The following NPAS3 variants were observed in gnomAD, a reference collection of about 807,000 sequenced individuals.
NPAS3 encodes neuronal PAS domain-containing protein 3.
A neutral mutation model predicts 73.1 loss-of-function variants in NPAS3; 14 were observed. The observed-to-expected ratio is 0.19, with a 90% confidence interval of 0.13 to 0.30. NPAS3 has a LOEUF of 0.30. Ranked by LOEUF, NPAS3 falls within the 10% of genes least tolerant of loss-of-function variation. The probability of loss-of-function intolerance (pLI) is 1.00; values close to 1 mark genes in which losing one functional copy is unlikely to be tolerated. For missense variants in NPAS3, 1,096 were observed against 1,250.0 expected (o/e 0.88, Z 1.86); for synonymous variants, 620 against 541.5 (o/e 1.14, Z -2.01).
chr14:33,282,661 C>T (rs2041675379), intron 3 of NPAS3, among the ~76,000 whole-genome samples: 1 of 152,144 alleles, frequency 6.6e-6, no homozygotes, highest in Admixed American at 6.6e-5. Context: ...TTTTCGGCTG[C>T]TAGAGAATGT....
At chr14:33,019,388 C>T (rs2039509014) in intron 1 of NPAS3, among the ~76,000 whole-genome samples, 1 of 152,146 alleles carries the variant, frequency 6.6e-6, no homozygotes, top group East Asian at 1.9e-4. Flanking sequence ...GTCATTAAGG[C>T]TTCATTTTTT....
chr14:33,799,898 A>G, exon 12 of NPAS3: 6 of 1,614,206 alleles, frequency 3.7e-6, no homozygotes, highest in Non-Finnish European at 5.1e-6. Flanking sequence ...CAGCGACGAC[A>G]GCTTCGAGCA....
chr14:33,574,518 A>G (rs568412431), intron 5 of NPAS3, among the ~76,000 whole-genome samples: 225 of 152,208 alleles, frequency 1.5e-3, no homozygotes, highest in African/African-American at 1.9e-3. Flanking sequence ...CCAGAGGTCC[A>G]AATGTATTCA....
chr14:33,747,835 A>G (rs1349088120), intron 7 of NPAS3, among the ~76,000 whole-genome samples: 1 of 152,198 alleles, frequency 6.6e-6, no homozygotes, highest in East Asian at 1.9e-4. Flanking sequence ...TTGTCCTGAG[A>G]TATTCCCATG....
chr14:32,993,539 AC>A, intron 1 of NPAS3, among the ~76,000 whole-genome samples: 1 of 152,320 alleles, frequency 6.6e-6, no homozygotes, highest in East Asian at 1.9e-4. Context: ...AAGATTTTAG[AC>A]CTAGAAATGA....
intron 4 of NPAS3, among the ~76,000 whole-genome samples, chr14:33,380,544 T>G (rs1310385984): frequency 2.6e-5 from 4 of 152,154 alleles, no homozygotes; most frequent in African/African-American, 9.7e-5. Flanking sequence ...GATCTGATGA[T>G]TTATGATTGC....
At chr14:33,472,955 G>A (rs748796007) in intron 4 of NPAS3, among the ~76,000 whole-genome samples, 1 of 150,882 alleles carries the variant, frequency 6.6e-6, no homozygotes, top group Non-Finnish European at 1.5e-5. Flanking sequence ...AAAAACAGCC[G>A]AAACCCAATC....
chr14:33,797,624 A>C (rs1566552740), intron 11 of NPAS3, 43 bp downstream of exon 11: 1 of 1,605,348 alleles, frequency 6.2e-7, no homozygotes, highest in South Asian at 1.1e-5. Context: ...AAGCTTGCCC[A>C]CCACGCGCAG....
At chr14:33,270,639 T>C (rs1211596205) in intron 3 of NPAS3, among the ~76,000 whole-genome samples, 1 of 152,222 alleles carries the variant, frequency 6.6e-6, no homozygotes, top group African/African-American at 2.4e-5. Context: ...TGAGGACCAT[T>C]GATAAGGTGG....
intron 4 of NPAS3, among the ~76,000 whole-genome samples, chr14:33,449,827 A>G (rs1447852808): frequency 1.3e-5 from 2 of 152,164 alleles, no homozygotes; most frequent in African/African-American, 2.4e-5. Flanking sequence ...TCTTGTAACC[A>G]TATTTCAATA....
intron 2 of NPAS3, among the ~76,000 whole-genome samples, chr14:33,199,649 T>C (rs2046536027): frequency 7.5e-6 from 1 of 132,912 alleles, no homozygotes; most frequent in Admixed American, 7.4e-5. Context: ...TTACCTTCCT[T>C]TCCTCCTTAC....
At chr14:33,637,983 C>T (rs1344029726) in intron 5 of NPAS3, among the ~76,000 whole-genome samples, 2 of 152,114 alleles carry the variant, frequency 1.3e-5, no homozygotes, top group African/African-American at 4.8e-5. Flanking sequence ...GTGATCTTTC[C>T]GTGCTGTGAG....
intron 2 of NPAS3, among the ~76,000 whole-genome samples, chr14:33,113,015 C>T (rs1031952731): frequency 6.6e-6 from 1 of 152,128 alleles, no homozygotes; most frequent in African/African-American, 2.4e-5. Context: ...TGTTCTGCTC[C>T]ATTGGTCTGT....
At chr14:33,795,371 T>C (rs1311859528) in intron 10 of NPAS3, among the ~76,000 whole-genome samples, 1 of 152,230 alleles carries the variant, frequency 6.6e-6, no homozygotes, top group Non-Finnish European at 1.5e-5. Flanking sequence ...CCCCCGTGTT[T>C]GTGATGTGTT....
chr14:33,279,625 G>A (rs2041500398), intron 3 of NPAS3, among the ~76,000 whole-genome samples: 1 of 152,092 alleles, frequency 6.6e-6, no homozygotes, highest in South Asian at 2.1e-4. Context: ...AGATCTTCAG[G>A]TGATTCCTAT....
chr14:33,141,314 G>T (rs1333285124), intron 2 of NPAS3, among the ~76,000 whole-genome samples: 1 of 152,172 alleles, frequency 6.6e-6, no homozygotes, highest in African/African-American at 2.4e-5. Flanking sequence ...ATGATGATGG[G>T]TGTGAGCTAT....
At chr14:33,485,802 G>A (rs2051560287) in intron 4 of NPAS3, among the ~76,000 whole-genome samples, 1 of 151,826 alleles carries the variant, frequency 6.6e-6, no homozygotes, top group South Asian at 2.1e-4. Flanking sequence ...CCCCACGTTA[G>A]AACTTACCCA....
chr14:33,579,779 A>T (rs1298345795), intron 5 of NPAS3, among the ~76,000 whole-genome samples: 1 of 151,916 alleles, frequency 6.6e-6, no homozygotes, highest in African/African-American at 2.4e-5. Flanking sequence ...TTTTCCTTGA[A>T]TTTTTTTTCA....
chr14:33,042,100 A>G (rs1157587684), intron 1 of NPAS3, among the ~76,000 whole-genome samples: 1 of 152,168 alleles, frequency 6.6e-6, no homozygotes, highest in Non-Finnish European at 1.5e-5. Context: ...TCAGTACCAG[A>G]TAGAACATGA....
Sources: allele counts gnomAD v4.1 joint callset (sites outside exome capture counted in the v4.1 genomes callset), GRCh38; gene constraint gnomAD v4.1.1; transcripts MANE v1.5; gene names NCBI Gene and HGNC (gene_info 2026-07-23, HGNC 2026-07-21).